SASH1: variants seen among roughly 807,000 people sequenced by gnomAD.
The protein encoded by SASH1 is SAM and SH3 domain-containing protein 1.
A neutral mutation model predicts 125.2 loss-of-function variants in SASH1; 44 were observed. That is an observed-to-expected ratio of 0.35 (90% CI 0.28 to 0.45). SASH1 has a LOEUF of 0.45. Among genes scored for constraint, SASH1 ranks in the 20% least tolerant of loss-of-function variants. SASH1 has a pLI of 1.00. For missense variants in SASH1, 1,426 were observed against 1,614.5 expected (o/e 0.88, Z 2.00); for synonymous variants, 639 against 649.1 (o/e 0.98, Z 0.24).
chr6:148,314,599 C>G (rs1326243686), intron 1 of SASH1, among the ~76,000 whole-genome samples: 3 of 152,082 alleles, frequency 2.0e-5, no homozygotes, highest in Non-Finnish European at 2.9e-5. Context: ...AGTTTAGGCC[C>G]TCAAACAAAA....
At chr6:148,398,387 T>C (rs1226810429) in intron 2 of SASH1, among the ~76,000 whole-genome samples, 1 of 152,148 alleles carries the variant, frequency 6.6e-6, no homozygotes, top group Non-Finnish European at 1.5e-5. Flanking sequence ...GACTGCTCTT[T>C]TGTTATTTGC....
intron 1 of SASH1, among the ~76,000 whole-genome samples, chr6:148,369,901 C>T (rs537025149): frequency 6.9e-6 from 1 of 145,782 alleles, no homozygotes; most frequent in African/African-American, 2.6e-5. Flanking sequence ...CTGCAATGAG[C>T]CGAGATCATG....
rs10710533 is a variant in SASH1, at chr6:148,514,458, T to TAAAAAAAAAAAAAAAA, written c.862+15_862+30dup. ...AAATGAAAAAACCCAGCACTGAAGG[T>TAAAAAAAAAAAAAAAA]AAAAAAAAAAAAAAAAAAAAAAAAA... On this transcript the variant is annotated splice_region_variant and intron_variant, in intron 9 of 19. Transcript: ENST00000367467. 29 of 573,378 alleles carry TAAAAAAAAAAAAAAAA rather than the reference T, an allele frequency of 5.1e-5. 3 individuals are homozygous for TAAAAAAAAAAAAAAAA. The highest frequency in any genetic ancestry group is 3.2e-4 in the Admixed American group (2 of 6,342). 35.5% of individuals were successfully genotyped at this position (573,378 alleles called of 1,614,324 possible).
upstream of SASH1, chr6:148,342,737 G>C (rs1781370475): frequency 6.6e-6 from 1 of 152,456 alleles, no homozygotes; most frequent in Admixed American, 6.5e-5. Flanking sequence ...AAACGCCTTT[G>C]CAGTGGGTTT....
the SASH1 span, among the ~76,000 whole-genome samples, chr6:148,234,901 T>C: frequency 6.6e-6 from 1 of 151,862 alleles, no homozygotes; most frequent in Non-Finnish European, 1.5e-5. Flanking sequence ...TGGTGGGGTC[T>C]GAAAATGCTT....
chr6:148,521,059 G>T (rs1227019872), intron 10 of SASH1, among the ~76,000 whole-genome samples: 1 of 152,186 alleles, frequency 6.6e-6, no homozygotes, highest in Non-Finnish European at 1.5e-5. Flanking sequence ...CTTTCAAAGA[G>T]TAGGATGTTT....
intron 1 of SASH1, among the ~76,000 whole-genome samples, chr6:148,387,878 A>G (rs1326783216): frequency 6.9e-6 from 1 of 144,016 alleles, no homozygotes; most frequent in Admixed American, 7.0e-5. Flanking sequence ...AGCTGGGATT[A>G]CAGGTGCCCA....
chr6:148,346,996 T>A (rs1480615472), intron 1 of SASH1, among the ~76,000 whole-genome samples: 1 of 152,186 alleles, frequency 6.6e-6, no homozygotes, highest in Admixed American at 6.5e-5. Flanking sequence ...AATTTTACCC[T>A]TTTTTCTTTA....
At chr6:148,222,014 T>C in the SASH1 span, among the ~76,000 whole-genome samples, 1 of 152,222 alleles carries the variant, frequency 6.6e-6, no homozygotes, top group African/African-American at 2.4e-5. Flanking sequence ...AACATTCCTC[T>C]CTTCCTTTAT....
rs1158613922 is a variant in SASH1, at chr6:148,540,514, C to G, written c.2167C>G (p.Arg723Gly). 1.9e-6 allele frequency: 3 copies of G among 1,613,886 alleles called. No homozygotes were observed. The highest frequency in any genetic ancestry group is 3.3e-5 in the Admixed American group (2 of 59,998). The change falls in exon 17 of 20, where the codon CGA becomes GGA. Residue 723 changes from arginine (R) to glycine (G), a missense_variant. Arg to Gly is a moderately radical substitution (Grantham distance 125). This residue lies in a region of SASH1 where 634 missense variants were observed against 694.4 expected (regional missense o/e 0.91). Coordinates refer to ENST00000367467, the MANE Select transcript of SASH1 (RefSeq NM_015278.5). The part of the protein sequence containing the change: ...DSQGLSGCSP[R>G]DSGCYESSEN... ...CCAGGGCCTGAGTGGATGCTCACCC[C>G]GAGACTCAGGATGCTACGAAAGCAG... is the stretch of plus-strand genomic sequence containing the variant.
At chr6:148,240,274 C>T in the SASH1 span, among the ~76,000 whole-genome samples, 1 of 151,902 alleles carries the variant, frequency 6.6e-6, no homozygotes, top group African/African-American at 2.4e-5. Context: ...AACACTTGGC[C>T]CGAGGTTGCA....
chr6:148,305,567 G>A (rs1350657233), intron 1 of SASH1, among the ~76,000 whole-genome samples: 4 of 143,774 alleles, frequency 2.8e-5, no homozygotes, highest in African/African-American at 1.0e-4. Context: ...AGATTACAGT[G>A]AGCCAAAGAT....
chr6:148,267,347 C>T (rs1778970945), upstream of SASH1, among the ~76,000 whole-genome samples: 1 of 124,580 alleles, frequency 8.0e-6, no homozygotes, highest in Non-Finnish European at 1.8e-5. Context: ...TTCCGTGGGA[C>T]CCAGGCCCAG....
intron 7 of SASH1, among the ~76,000 whole-genome samples, chr6:148,476,433 A>G (rs1006432067): frequency 6.6e-6 from 1 of 152,134 alleles, no homozygotes; most frequent in South Asian, 2.1e-4. Context: ...AAATGATCTT[A>G]CACTTTGGGA....
chr6:148,490,892 A>C (rs79379178), intron 8 of SASH1, among the ~76,000 whole-genome samples: 2,659 of 152,312 alleles, frequency 0.017, 81 homozygotes, highest in African/African-American at 0.061. Flanking sequence ...CCCCATATGC[A>C]TGACTGAACA....
intron 1 of SASH1, among the ~76,000 whole-genome samples, chr6:148,291,420 C>A (rs1779629340): frequency 1.3e-5 from 2 of 152,070 alleles, no homozygotes; most frequent in Non-Finnish European, 2.9e-5. Context: ...GTGGCTCATG[C>A]CTGTAATCCC....
intron 8 of SASH1, chr6:148,508,987 A>G: frequency 1.8e-6 from 1 of 549,962 alleles, no homozygotes; most frequent in Non-Finnish European, 3.2e-6. Flanking sequence ...TTCTTCTTAA[A>G]TTCCTCTAGA....
intron 8 of SASH1, among the ~76,000 whole-genome samples, chr6:148,503,649 A>G (rs982325898): frequency 3.9e-5 from 6 of 152,172 alleles, no homozygotes; most frequent in African/African-American, 1.4e-4. Flanking sequence ...CTTACAGGCA[A>G]ATGTGTTATT....
At chr6:148,435,026 G>A (rs779228227) in intron 2 of SASH1, among the ~76,000 whole-genome samples, 2 of 140,848 alleles carry the variant, frequency 1.4e-5, no homozygotes, top group South Asian at 2.5e-4. Flanking sequence ...CCAACATAAC[G>A]AGACTTGTCT....
Sources: gnomAD v4.1 joint callset for allele counts (sites outside exome capture counted in the v4.1 genomes callset) on GRCh38, gnomAD v4.1.1 for gene constraint, gnomAD v4.1.1 regional missense constraint, MANE v1.5 for transcripts, NCBI Gene and HGNC (gene_info 2026-07-23, HGNC 2026-07-21) for gene names.